SPTA1: variants seen among roughly 807,000 people sequenced by gnomAD.
SPTA1 encodes the protein spectrin alpha chain, erythrocytic 1.
Under a neutral mutation model 324.7 loss-of-function variants are expected in SPTA1, and 177 were observed. The observed-to-expected ratio is 0.55, with a 90% CI of 0.48 to 0.62. The LOEUF (loss-of-function observed/expected upper bound fraction) is 0.62, where lower values mean the gene tolerates loss of function less well. SPTA1 is among the 20% of genes least tolerant of loss of function. SPTA1 has a pLI of 0.00. For missense variants in SPTA1, 3,162 were observed against 2,883.6 expected (o/e 1.10, Z -2.21); for synonymous variants, 1,195 against 1,041.3 (o/e 1.15, Z -2.84).
chr1:158,684,626 C>A (rs1165762825), intron 2 of SPTA1, among the ~76,000 whole-genome samples: 3 of 152,032 alleles, frequency 2.0e-5, no homozygotes, highest in Non-Finnish European at 4.4e-5. Flanking sequence ...TCCATTACAT[C>A]ACTCCCACTA....
chr1:158,683,305 T>C, intron 3 of SPTA1, 66 bp downstream of exon 3: 14 of 1,609,022 alleles, frequency 8.7e-6, no homozygotes, highest in Non-Finnish European at 1.1e-5. Context: ...ATATCTCATA[T>C]AATCAGTTAA....
At position 158,651,561 on chromosome 1, in the gene SPTA1, C is replaced by G. The variant is rs1371649205; in HGVS notation, c.3376-93G>C. ...ATCTACCATACTTACCTGTCCATCT[C>G]TGCCCCTACATCACCGTAATACACA... On this transcript the variant is annotated intron_variant, in intron 23 of 51. Transcript: ENST00000643759. 7 of 845,596 alleles carry G rather than the reference C, an allele frequency of 8.3e-6. No homozygotes were observed. The Middle Eastern group carries it at 1.0e-3, about 122-fold the overall frequency. 52.4% of individuals were successfully genotyped at this position (845,596 alleles called of 1,614,324 possible). A position where few individuals can be genotyped will look rare whatever the true frequency, so the allele number is the denominator to read the frequency against.
In SPTA1 at chr1:158,659,592, ATTAT is replaced by A. The variant is rs1653054756; in HGVS notation, c.2587+1691_2587+1694del. ...TGTAAAAGAAAATAATAGTCTTAGC[ATTAT>A]TTTTTTTTTTTTTTTTTTTTTTTTT... On this transcript the variant is annotated intron_variant, in intron 18 of 51. Transcript: ENST00000643759. 2.2e-5 allele frequency among the ~76,000 whole-genome samples: 2 copies of A among 92,688 alleles called. 1 individual carries two copies. Among genetic ancestry groups the A allele is most frequent in the Non-Finnish European group, 4.9e-5 (2 of 40,744 alleles). 60.8% of individuals were successfully genotyped at this position (92,688 alleles called of 152,430 possible). A position where few individuals can be genotyped will look rare whatever the true frequency, so the allele number is the denominator to read the frequency against.
At chr1:158,665,622 T>G (rs947542823) in intron 16 of SPTA1, among the ~76,000 whole-genome samples, 1 of 152,188 alleles carries the variant, frequency 6.6e-6, no homozygotes, top group Non-Finnish European at 1.5e-5. Context: ...TCTGTTATGA[T>G]GTTGGAGAAA....
chr1:158,662,777 G>A lies in SPTA1; in HGVS notation c.2389C>T (p.Leu797=), dbSNP rs1653322523. The A allele has an allele frequency of 6.2e-7, 1 of 1,614,062 alleles. No homozygotes were observed. Among genetic ancestry groups the A allele is most frequent in the Non-Finnish European group, 8.5e-7 (1 of 1,180,000 alleles). ...TCATCCTCTGTGTCTCTACAAATCA[G>A]CTGCAGATGGAGAAGGTCTAAGAGC... ...KKLLDLLHLQ[L]ICRDTEDEEA... is the part of the protein sequence containing the mutation. Residue 797 remains leucine (L), a synonymous_variant, in exon 17 of 52, where the codon CTG becomes TTG. Transcript: ENST00000643759.
chr1:158,617,377 A>T (rs1300174100), intron 47 of SPTA1, among the ~76,000 whole-genome samples, 160 bp downstream of exon 47: 1 of 152,162 alleles, frequency 6.6e-6, no homozygotes, highest in Non-Finnish European at 1.5e-5. Context: ...CAGAGATTTA[A>T]GTAGACTGAG....
At chr1:158,657,843 T>C (rs2101879802) in intron 18 of SPTA1, 149 bp from the exon 19 acceptor site, 1 of 781,008 alleles carries the variant, frequency 1.3e-6, no homozygotes, top group African/African-American at 1.7e-5. Flanking sequence ...TACCTGGGAA[T>C]TGAAATATCC....
chr1:158,619,169 A>G (rs1649753785), intron 45 of SPTA1, 53 bp downstream of exon 45: 5 of 1,516,800 alleles, frequency 3.3e-6, no homozygotes, highest in Admixed American at 1.7e-5. Context: ...TTTCATCCCT[A>G]TGGCAAATGG....
chr1:158,635,653 A>G (rs1053537495), intron 38 of SPTA1, among the ~76,000 whole-genome samples: 1 of 152,236 alleles, frequency 6.6e-6, no homozygotes, highest in Non-Finnish European at 1.5e-5. Flanking sequence ...AGGATAACAC[A>G]TGTAGGAAAA....
At chr1:158,680,904 C>T (rs555715477) in intron 4 of SPTA1, among the ~76,000 whole-genome samples, 175 bp from the exon 5 acceptor site, 2 of 152,230 alleles carry the variant, frequency 1.3e-5, no homozygotes, top group South Asian at 4.2e-4. Context: ...TAAGGTAGCA[C>T]CTTGGCACAA....
chr1:158,661,455 G>GGAA, intron 17 of SPTA1, 46 bp from the exon 18 acceptor site: 1 of 1,612,830 alleles, frequency 6.2e-7, no homozygotes, highest in Non-Finnish European at 8.5e-7. Flanking sequence ...CCTGGTGTAT[G>GGAA]GAAGTAGCAT....
At position 158,669,281 on chromosome 1, in the gene SPTA1, C is replaced by A. The variant is rs1571500699; in HGVS notation, c.1833+127G>T. On this transcript the variant is annotated intron_variant, in intron 14 of 51. Transcript: ENST00000643759. ...CAGGGATTCATTGCCCTTTTCTGAG[C>A]CTCTGTTTTGTCATCTATAAAATGA... 3.9e-6 allele frequency: 5 copies of A among 1,295,696 alleles called. No homozygotes were observed. In the East Asian group the frequency reaches 6.9e-5, roughly 18 times the overall value. The allele number at this position is 1,295,696 out of a possible 1,614,324, so 80.3% of individuals were successfully genotyped here. A position where few individuals can be genotyped will look rare whatever the true frequency, so the allele number is the denominator to read the frequency against.
At chr1:158,653,947 A>T (rs1652645345) in intron 21 of SPTA1, among the ~76,000 whole-genome samples, 1 of 152,226 alleles carries the variant, frequency 6.6e-6, no homozygotes, top group African/African-American at 2.4e-5. Flanking sequence ...AAAATAATGA[A>T]GAGGCCTAGA....
At chr1:158,620,148 T>G (rs745777183) in intron 44 of SPTA1, 22 bp downstream of exon 44, 2 of 1,613,878 alleles carry the variant, frequency 1.2e-6, no homozygotes, top group Non-Finnish European at 1.7e-6. Context: ...TGAAAGGAAG[T>G]TTCTGCCGTG....
At position 158,652,670 on chromosome 1, in the gene SPTA1, G is replaced by GA; in HGVS notation, c.3189-18dup. 1 of 1,613,850 alleles carries GA rather than the reference G, an allele frequency of 6.2e-7. No individual in the cohort carries two copies. The highest frequency in any genetic ancestry group is 1.1e-5 in the South Asian group (1 of 91,070). On this transcript the variant is annotated splice_polypyrimidine_tract_variant and intron_variant, in intron 22 of 51. Transcript: ENST00000643759. ...GAGCGGTATCTGGATGGAGAATTGG[G>GA]AAAAGTGGAATAAAAGAAGGAGAAA... is the stretch of plus-strand genomic sequence containing the variant.
intron 4 of SPTA1, among the ~76,000 whole-genome samples, chr1:158,680,937 T>C (rs1057462691): frequency 2.0e-5 from 3 of 152,130 alleles, no homozygotes; most frequent in Admixed American, 6.6e-5. Context: ...TTTCGGGCAG[T>C]TCTTTAGCAA....
rs769240450 is a variant in SPTA1 at position 158,648,655 on chromosome 1, TG to T, written c.3570-3del. 1.9e-6 allele frequency: 3 copies of T among 1,613,684 alleles called. No individual in the cohort carries two copies. The highest frequency in any genetic ancestry group is 2.5e-6 in the Non-Finnish European group (3 of 1,179,858). On this transcript the variant is annotated splice_polypyrimidine_tract_variant and splice_region_variant and intron_variant, in intron 25 of 51. Coordinates refer to ENST00000643759, the MANE Select transcript of SPTA1 (RefSeq NM_003126.4). ...TGCTCCTTCGTGTCATCTGCTTCTC[TG>T]GTATACAAGAGAGTAGAGAGTTCAA...
rs780720419 is a variant in SPTA1, at chr1:158,661,325, T to A, written c.2549A>T (p.Gln850Leu). Residue 850 changes from glutamine to leucine, a missense_variant, in exon 18 of 52, where the codon CAA becomes CTA. Physicochemically the swap from Gln to Leu is moderately radical, Grantham distance 113. Transcript: ENST00000643759. Reference protein sequence around the residue: ...ENIASHEPRIQEITERGNKMV... With the variant: ...ENIASHEPRILEITERGNKMV... ...TTTGTTTCCCCTTTCTGTTATCTCT[T>A]GAATGCGTGGTTCATGGCTGGCAAT... 6.2e-7 allele frequency: 1 copy of A among 1,613,956 alleles called. No homozygotes were observed. Among genetic ancestry groups the A allele is most frequent in the Admixed American group, 1.7e-5 (1 of 60,024 alleles).
At chr1:158,615,166 A>G (rs965450036) in intron 48 of SPTA1, 50 bp downstream of exon 48, 1 of 1,608,090 alleles carries the variant, frequency 6.2e-7, no homozygotes, top group Non-Finnish European at 8.5e-7. Flanking sequence ...AGGTCCTAAC[A>G]CCTAACACCA....
Sources: gnomAD v4.1 joint callset for allele counts (sites outside exome capture counted in the v4.1 genomes callset) on GRCh38, gnomAD v4.1.1 for gene constraint, MANE v1.5 for transcripts, NCBI Gene and HGNC (gene_info 2026-07-23, HGNC 2026-07-21) for gene names.